The following HERC4 variants were observed in gnomAD, a reference collection of about 807,000 sequenced individuals.
HERC4 encodes probable E3 ubiquitin-protein ligase HERC4.
HERC4 carries 28 observed loss-of-function variants against 124.3 expected under a neutral mutation model. The ratio of observed to expected loss-of-function variants is 0.23; its 90% CI spans 0.17 to 0.31. The LOEUF (loss-of-function observed/expected upper bound fraction) is 0.31. Ranked by LOEUF, HERC4 falls within the 10% of genes least tolerant of loss-of-function variation. The probability of loss-of-function intolerance (pLI) is 1.00; values close to 1 mark genes in which losing one functional copy is unlikely to be tolerated. For synonymous variants in HERC4, 407 were observed against 421.5 expected, an observed-to-expected ratio of 0.97 and a Z score of 0.42; for missense variants, 713 against 1,229.3, an observed-to-expected ratio of 0.58 and a Z score of 6.28.
chr10:68,075,106 C>T (rs2041749187), intron 1 of HERC4, 38 bp downstream of exon 1: 1 of 153,134 alleles, frequency 6.5e-6, no homozygotes. Context: ...TGTGCCGCTG[C>T]TCCGCTGCTC....
chr10:68,027,693 C>T (rs554666190), intron 7 of HERC4, among the ~76,000 whole-genome samples: 50 of 152,174 alleles, frequency 3.3e-4, no homozygotes, highest in African/African-American at 1.1e-3. Context: ...GAGGCTGAGG[C>T]GGGTGGATCA....
At chr10:68,051,083 G>C (rs552988697) in intron 3 of HERC4, among the ~76,000 whole-genome samples, 16 of 146,242 alleles carry the variant, frequency 1.1e-4, no homozygotes, top group Non-Finnish European at 2.1e-4. Flanking sequence ...TTGATGATCA[G>C]TAGAAAAACC....
chr10:67,928,706 A>C lies in HERC4; in HGVS notation c.2839-3519T>G, dbSNP rs559285854. ...GGGAGGCCGAGGCGAGTGGATCATG[A>C]GGTCAGGAGTTCAAGACCAGCCTGC... On this transcript the variant is annotated intron_variant, in intron 23 of 24. Coordinates refer to ENST00000373700, the MANE Select transcript of HERC4 (RefSeq NM_015601.4). 2.6e-5 allele frequency among the ~76,000 whole-genome samples: 4 copies of C among 152,248 alleles called. No individual in the cohort carries two copies. The East Asian group carries it at 7.7e-4, about 29-fold the overall frequency.
chr10:67,974,097 C>T (rs2035427876), intron 15 of HERC4, among the ~76,000 whole-genome samples: 3 of 142,764 alleles, frequency 2.1e-5, no homozygotes, highest in Non-Finnish European at 4.6e-5. Flanking sequence ...CACACACACA[C>T]ACACACACAC....
At chr10:67,967,698 C>A (rs2034972194) in intron 15 of HERC4, among the ~76,000 whole-genome samples, 1 of 151,958 alleles carries the variant, frequency 6.6e-6, no homozygotes, top group African/African-American at 2.4e-5. Context: ...TGATATAGCT[C>A]AACAAGAAGC....
chr10:67,928,696 G>A (rs1248713556), intron 23 of HERC4, among the ~76,000 whole-genome samples: 1 of 152,162 alleles, frequency 6.6e-6, no homozygotes, highest in African/African-American at 2.4e-5. Context: ...GCCGAGGCGA[G>A]TGGATCATGA....
intron 4 of HERC4, chr10:68,039,327 A>C: frequency 1.4e-6 from 2 of 1,471,742 alleles, no homozygotes; most frequent in East Asian, 5.0e-5. Context: ...AAAAAAAAAA[A>C]AAAAAAAGAA....
chr10:68,012,668 C>T (rs902049480), intron 9 of HERC4, among the ~76,000 whole-genome samples: 4 of 152,084 alleles, frequency 2.6e-5, no homozygotes, highest in African/African-American at 9.7e-5. Context: ...AGTAACAACA[C>T]AGAAGTTTTG....
At chr10:67,932,570 CAAT>C (rs1171011506) in intron 23 of HERC4, 24 bp downstream of exon 23, 46 of 1,565,598 alleles carry the variant, frequency 2.9e-5, no homozygotes, top group Non-Finnish European at 3.6e-5. Flanking sequence ...TTCCATTTAA[CAAT>C]ATCAGAGATT....
chr10:68,036,801 C>A (rs1185079968), intron 5 of HERC4, among the ~76,000 whole-genome samples: 1 of 152,142 alleles, frequency 6.6e-6, no homozygotes, highest in Non-Finnish European at 1.5e-5. Flanking sequence ...TAAAGACTTG[C>A]ATCAAATACT....
At chr10:68,066,434 C>T (rs181834318) in intron 3 of HERC4, among the ~76,000 whole-genome samples, 31 of 152,308 alleles carry the variant, frequency 2.0e-4, no homozygotes, top group African/African-American at 7.5e-4. Context: ...CACTTCTAAT[C>T]ATGTAAAAAC....
At chr10:67,930,057 C>G (rs543481234) in intron 23 of HERC4, among the ~76,000 whole-genome samples, 12 of 152,188 alleles carry the variant, frequency 7.9e-5, no homozygotes, top group Non-Finnish European at 5.9e-5. Flanking sequence ...CTGCCCGCCT[C>G]GGCCTCCCAA....
Position 68,073,089 on chromosome 10 carries a change from G to C in HERC4, c.20C>G (p.Ala7Gly), listed in dbSNP as rs778277616. 6.2e-7 allele frequency: 1 copy of C among 1,613,492 alleles called. No individual in the cohort carries two copies. Among genetic ancestry groups the C allele is most frequent in the Non-Finnish European group, 8.5e-7 (1 of 1,179,692 alleles). MLCWGN[A>G]SFGQLGLGGI... is the part of the protein sequence containing the mutation. ...ACCCAAACCTAGCTGCCCAAAGGAT[G>C]CATTTCCCCAGCACAACATGCTTGT... is the stretch of plus-strand genomic sequence containing the variant. The change falls in exon 3 of 25, where the codon GCA becomes GGA. Residue 7 changes from alanine to glycine, a missense_variant. Coordinates refer to ENST00000373700, the MANE Select transcript of HERC4 (RefSeq NM_015601.4).
chr10:68,034,752 A>G (rs1238526124), intron 5 of HERC4, among the ~76,000 whole-genome samples: 3 of 152,070 alleles, frequency 2.0e-5, no homozygotes, highest in Non-Finnish European at 4.4e-5. Context: ...CCATTTTGGT[A>G]AGTAACATCC....
At chr10:67,979,453 A>G (rs1322388514) in intron 15 of HERC4, among the ~76,000 whole-genome samples, 1 of 152,108 alleles carries the variant, frequency 6.6e-6, no homozygotes, top group Non-Finnish European at 1.5e-5. Context: ...ATGCCTACAG[A>G]ATCTAGAAAA....
At chr10:67,981,529 A>G (rs1048754012) in intron 15 of HERC4, among the ~76,000 whole-genome samples, 5 of 152,244 alleles carry the variant, frequency 3.3e-5, no homozygotes, top group African/African-American at 1.2e-4. Context: ...ACTATAGACC[A>G]AATGGACCAA....
At chr10:68,037,281 G>A (rs2039528147) in intron 5 of HERC4, among the ~76,000 whole-genome samples, 3 of 151,456 alleles carry the variant, frequency 2.0e-5, no homozygotes, top group South Asian at 4.2e-4. Flanking sequence ...TTTTTAGTAG[G>A]CACAGGGTTT....
chr10:68,004,762 C>T (rs1036692351), intron 9 of HERC4, among the ~76,000 whole-genome samples: 2 of 152,118 alleles, frequency 1.3e-5, no homozygotes, highest in African/African-American at 2.4e-5. Context: ...GAAGAAGTGT[C>T]GAGCAAAGTG....
chr10:68,035,052 T>C (rs937147791), intron 5 of HERC4, among the ~76,000 whole-genome samples: 1 of 152,110 alleles, frequency 6.6e-6, no homozygotes, highest in African/African-American at 2.4e-5. Flanking sequence ...GATACACTAA[T>C]AACTGATTTT....
Sources: gnomAD v4.1 joint callset for allele counts (sites outside exome capture counted in the v4.1 genomes callset) on GRCh38, gnomAD v4.1.1 for gene constraint, MANE v1.5 for transcripts, NCBI Gene and HGNC (gene_info 2026-07-23, HGNC 2026-07-21) for gene names.